The following GRIK4 variants were observed in gnomAD, a reference collection of about 807,000 sequenced individuals.
GRIK4 encodes glutamate ionotropic receptor kainate type subunit 4, also known as glutamate receptor ionotropic, kainate 4.
Under a neutral mutation model 104.9 loss-of-function variants are expected in GRIK4, and 40 were observed. The ratio of observed to expected loss-of-function variants is 0.38; its 90% CI spans 0.30 to 0.50. The LOEUF (loss-of-function observed/expected upper bound fraction) is 0.50. GRIK4 is among the 20% of genes least tolerant of loss of function. The pLI is 0.93. For synonymous variants in GRIK4, 485 were observed against 524.9 expected (o/e 0.92, Z 1.04); for missense variants, 1,047 against 1,308.1 (o/e 0.80, Z 3.08).
At chr11:120,666,973 T>C (rs1401494166) in intron 3 of GRIK4, among the ~76,000 whole-genome samples, 17 of 152,202 alleles carry the variant, frequency 1.1e-4, no homozygotes, top group Admixed American at 1.1e-3. Context: ...GAGGTTTTGA[T>C]TCCTTGTAAA....
chr11:120,785,438 G>C (rs1332754213), intron 3 of GRIK4, among the ~76,000 whole-genome samples: 2 of 152,204 alleles, frequency 1.3e-5, no homozygotes, highest in Non-Finnish European at 2.9e-5. Flanking sequence ...CAGGTATCCA[G>C]AGACCTTACA....
At chr11:120,731,718 T>C (rs954550389) in intron 3 of GRIK4, among the ~76,000 whole-genome samples, 1 of 152,216 alleles carries the variant, frequency 6.6e-6, no homozygotes, top group African/African-American at 2.4e-5. Flanking sequence ...GGAGACTTGA[T>C]TATGGTTTCG....
At chr11:120,782,585 G>A (rs11218007) in intron 3 of GRIK4, among the ~76,000 whole-genome samples, 7,429 of 152,154 alleles carry the variant, frequency 0.049, 341 homozygotes, top group African/African-American at 0.12. Context: ...GCGCCTGGCC[G>A]CCAGTATGAC....
intron 3 of GRIK4, among the ~76,000 whole-genome samples, chr11:120,785,917 C>T (rs1163018324): frequency 3.9e-5 from 6 of 152,372 alleles, no homozygotes; most frequent in Middle Eastern, 3.4e-3. Context: ...AAGCCCATCA[C>T]ACTTCACCTG....
At chr11:120,516,530 C>T (rs1787228026) in intron 1 of GRIK4, among the ~76,000 whole-genome samples, 1 of 151,864 alleles carries the variant, frequency 6.6e-6, no homozygotes, top group Non-Finnish European at 1.5e-5. Flanking sequence ...CCAAGAGGGC[C>T]CTGGCCACCA....
In GRIK4 at chr11:120,572,806, C is replaced by T. The variant is rs568850302; in HGVS notation, c.-159+60919C>T. Among the ~76,000 whole-genome samples the T allele has an allele frequency of 1.5e-3, 223 of 152,280 alleles. 1 individual carries two copies. The highest frequency in any genetic ancestry group is 5.1e-3 in the African/African-American group (212 of 41,558). ...AGCACTGATGGATTTGTGTCTTTCCCCTTTTCATTTCCGCTGTTCCCTTCT... is the reference window on the plus strand; with the variant it reads ...AGCACTGATGGATTTGTGTCTTTCCTCTTTTCATTTCCGCTGTTCCCTTCT... On this transcript the variant is annotated intron_variant, in intron 1 of 20. Transcript: ENST00000527524.
Position 120,839,556 on chromosome 11 carries a change from A to G in GRIK4, c.744+2712A>G, listed in dbSNP as rs1285437743. ...TTAAGAAGTCCAGCTTATGCCTCCC[A>G]TGGGCTAAAATGAATGGAAGATGCT... On this transcript the variant is annotated intron_variant, in intron 8 of 20. Transcript: ENST00000527524. 2.6e-5 allele frequency among the ~76,000 whole-genome samples: 4 copies of G among 152,238 alleles called. No individual in the cohort carries two copies. In the South Asian group the frequency reaches 6.2e-4, roughly 24 times the overall value.
At chr11:120,739,200 C>G (rs2135404892) in intron 3 of GRIK4, among the ~76,000 whole-genome samples, 1 of 152,328 alleles carries the variant, frequency 6.6e-6, no homozygotes, top group South Asian at 2.1e-4. Context: ...ATGGTGTTAA[C>G]CAGCCAGGCT....
At chr11:120,739,287 A>G (rs1951284665) in intron 3 of GRIK4, among the ~76,000 whole-genome samples, 2 of 152,230 alleles carry the variant, frequency 1.3e-5, no homozygotes, top group African/African-American at 2.4e-5. Context: ...TCCTATGCTT[A>G]AAATGCTTAG....
chr11:120,929,707 C>T (rs1314153027), intron 13 of GRIK4, among the ~76,000 whole-genome samples: 1 of 152,140 alleles, frequency 6.6e-6, no homozygotes, highest in Non-Finnish European at 1.5e-5. Flanking sequence ...CTGCTTTAAG[C>T]CAGATTGGAG....
At chr11:120,977,397 C>T (rs542279348) in intron 19 of GRIK4, among the ~76,000 whole-genome samples, 1 of 152,300 alleles carries the variant, frequency 6.6e-6, no homozygotes, top group South Asian at 2.1e-4. Context: ...GGAGGGAGTC[C>T]ACATCAAGGG....
Position 120,874,210 on chromosome 11 carries a change from C to T in GRIK4, c.1051C>T (p.Leu351=), listed in dbSNP as rs547150816. 14 of 1,611,366 alleles carry T rather than the reference C, an allele frequency of 8.7e-6. No homozygotes were observed. The African/African-American group carries it at 9.3e-5, about 11-fold the overall frequency. The change falls in exon 10 of 21, where the codon CTG becomes TTG. Residue 351 remains leucine, a synonymous_variant. Transcript: ENST00000527524. The stretch of plus-strand genomic sequence containing the variant: ...GCACGGCACCAGCCTCATGAACTAC[C>T]TGCGCATGGTGAGGAGCGGCTGAGG... ...WQHGTSLMNY[L]RMVELEGLTG... is the part of the protein sequence containing the mutation.
intron 1 of GRIK4, among the ~76,000 whole-genome samples, chr11:120,636,181 T>G (rs1255233077): frequency 6.6e-6 from 1 of 152,238 alleles, no homozygotes; most frequent in Non-Finnish European, 1.5e-5. Flanking sequence ...TTTGGATGTC[T>G]AGCTTTTGAC....
Position 120,940,603 on chromosome 11 carries a change from A to G in GRIK4, c.1590+143A>G, listed in dbSNP as rs972286821. 23 of 611,078 alleles carry G rather than the reference A, an allele frequency of 3.8e-5. No individual in the cohort carries two copies. Among genetic ancestry groups the G allele is most frequent in the Admixed American group, 2.5e-4 (8 of 32,112 alleles). The allele number at this position is 611,078 out of a possible 1,614,324, so 37.9% of individuals were successfully genotyped here. A position where few individuals can be genotyped will look rare whatever the true frequency, so the allele number is the denominator to read the frequency against. The stretch of plus-strand genomic sequence containing the variant: ...AATGTGCTGGGCTATTTTTTCTCCT[A>G]TCATCTGCACGAACTTGCAAACTGA... On this transcript the variant is annotated intron_variant, in intron 14 of 20. Transcript: ENST00000527524. The surrounding 1 kb of genome is among the most constrained non-coding windows in gnomAD (Gnocchi z 4.3).
At chr11:120,889,150 C>T (rs1391016967) in intron 11 of GRIK4, among the ~76,000 whole-genome samples, 1 of 152,208 alleles carries the variant, frequency 6.6e-6, no homozygotes, top group Non-Finnish European at 1.5e-5. Context: ...CTTGCTTACT[C>T]ATGACTCAGT....
At chr11:120,862,777 G>A (rs1954297205) in intron 9 of GRIK4, among the ~76,000 whole-genome samples, 1 of 152,172 alleles carries the variant, frequency 6.6e-6, no homozygotes, top group Non-Finnish European at 1.5e-5. Flanking sequence ...CGTGGGGCAG[G>A]CCAAGAATAT....
chr11:120,899,969 A>G (rs1242644863), intron 12 of GRIK4, among the ~76,000 whole-genome samples: 1 of 152,176 alleles, frequency 6.6e-6, no homozygotes, highest in Non-Finnish European at 1.5e-5. Flanking sequence ...GACCTCCATC[A>G]CTATCTTTAT....
intron 1 of GRIK4, among the ~76,000 whole-genome samples, chr11:120,545,442 C>T (rs74434982): frequency 2.0e-5 from 3 of 152,274 alleles, no homozygotes; most frequent in Admixed American, 1.3e-4. Context: ...ATGTAGCCCA[C>T]TATCAATAAC....
chr11:120,780,753 G>GT (rs1368018132), intron 3 of GRIK4, among the ~76,000 whole-genome samples: 1 of 151,456 alleles, frequency 6.6e-6, no homozygotes, highest in East Asian at 1.9e-4. Context: ...TTTTTGTTTT[G>GT]TTTTTTGAGA....
Sources: allele counts gnomAD v4.1 joint callset (sites outside exome capture counted in the v4.1 genomes callset), GRCh38; gene constraint gnomAD v4.1.1; non-coding constraint Gnocchi (gnomAD v3.1); transcripts MANE v1.5; gene names NCBI Gene and HGNC (gene_info 2026-07-23, HGNC 2026-07-21).